PLXNA4: variants seen among roughly 807,000 people sequenced by gnomAD.
PLXNA4 encodes the protein plexin-A4.
PLXNA4 carries 44 observed loss-of-function variants against 191.8 expected under a neutral mutation model. The ratio of observed to expected loss-of-function variants is 0.23; its 90% confidence interval spans 0.18 to 0.29. The LOEUF is 0.29. PLXNA4 is among the 10% of genes least tolerant of loss of function. PLXNA4 has a pLI of 1.00. For synonymous variants in PLXNA4, 1,082 were observed against 1,009.5 expected, an observed-to-expected ratio of 1.07 and a Z score of -1.36; for missense variants, 1,800 against 2,488.8, an observed-to-expected ratio of 0.72 and a Z score of 5.89.
chr7:132,398,512 C>T (rs1793852019), intron 3 of PLXNA4, among the ~76,000 whole-genome samples: 1 of 152,194 alleles, frequency 6.6e-6, no homozygotes, highest in Non-Finnish European at 1.5e-5. Flanking sequence ...GACGGGAACC[C>T]CAGCTCTGCG....
intron 24 of PLXNA4, among the ~76,000 whole-genome samples, chr7:132,161,633 G>T: frequency 6.6e-6 from 1 of 152,118 alleles, no homozygotes; most frequent in Non-Finnish European, 1.5e-5. Context: ...GGCATCTAGC[G>T]CTCTAGCAGG....
At chr7:132,231,026 C>G (rs1436923579) in intron 5 of PLXNA4, among the ~76,000 whole-genome samples, 1 of 152,196 alleles carries the variant, frequency 6.6e-6, no homozygotes, top group East Asian at 1.9e-4. Flanking sequence ...TTCCAAAGTT[C>G]ATGGGGTTGC....
chr7:132,314,762 C>A (rs116229063), intron 3 of PLXNA4, among the ~76,000 whole-genome samples: 7 of 152,202 alleles, frequency 4.6e-5, no homozygotes, highest in African/African-American at 1.7e-4. Context: ...ACTTCCCATC[C>A]TCAACGTAGA....
chr7:132,563,571 A>C (rs1290745197), intron 1 of PLXNA4, among the ~76,000 whole-genome samples: 1,937 of 20,698 alleles, frequency 0.094, no homozygotes, highest in African/African-American at 0.12. Context: ...TCTCCTCTTC[A>C]TCCTCCTCCT....
intron 4 of PLXNA4, among the ~76,000 whole-genome samples, chr7:132,268,337 T>C (rs945641029): frequency 6.6e-6 from 1 of 152,212 alleles, no homozygotes; most frequent in African/African-American, 2.4e-5. Flanking sequence ...ACAGTGAAAC[T>C]ACAGCACCAT....
At chr7:132,418,776 A>G (rs1008784794) in intron 3 of PLXNA4, among the ~76,000 whole-genome samples, 2 of 152,134 alleles carry the variant, frequency 1.3e-5, no homozygotes, top group Non-Finnish European at 2.9e-5. Context: ...AGAAGAACAA[A>G]GAGTAAGCAG....
intron 3 of PLXNA4, among the ~76,000 whole-genome samples, chr7:132,340,983 C>T (rs1199995242): frequency 6.6e-6 from 1 of 152,134 alleles, no homozygotes; most frequent in Non-Finnish European, 1.5e-5. Flanking sequence ...TTGGCCTCTT[C>T]CTAGGTTCTT....
rs563218740 is a variant in PLXNA4, at chr7:132,340,266, G to T, written c.1372-42044C>A. 9.2e-5 allele frequency among the ~76,000 whole-genome samples: 14 copies of T among 152,328 alleles called. No homozygotes were observed. In the East Asian group the frequency reaches 2.7e-3, roughly 29 times the overall value. ...TCCTCCCATCCCTCTTCACTGTATT[G>T]CTTATTAAAGTTTAAGACTGGATAA... On this transcript the variant is annotated intron_variant, in intron 3 of 31. Coordinates refer to ENST00000321063, the MANE Select transcript of PLXNA4 (RefSeq NM_020911.2).
intron 3 of PLXNA4, among the ~76,000 whole-genome samples, chr7:132,349,448 G>A (rs741663): frequency 6.6e-6 from 1 of 152,000 alleles, no homozygotes. Flanking sequence ...GGCTACCAAG[G>A]GGGGCCACTG....
intron 17 of PLXNA4, 24 bp from the exon 18 acceptor site, chr7:132,181,644 AG>A: frequency 6.2e-7 from 1 of 1,611,834 alleles, no homozygotes; most frequent in Non-Finnish European, 8.5e-7. Flanking sequence ...CACAGAGTGG[AG>A]TCTATGCAGT....
At chr7:132,277,926 C>T (rs1389660324) in intron 4 of PLXNA4, among the ~76,000 whole-genome samples, 2 of 152,214 alleles carry the variant, frequency 1.3e-5, no homozygotes, top group Non-Finnish European at 2.9e-5. Context: ...TCCAATACAA[C>T]TTTATTTCCA....
At chr7:132,344,929 C>T (rs1237696009) in intron 3 of PLXNA4, among the ~76,000 whole-genome samples, 1 of 152,140 alleles carries the variant, frequency 6.6e-6, no homozygotes, top group Non-Finnish European at 1.5e-5. Flanking sequence ...ATGAGGGTTG[C>T]TGTGGACTAG....
rs1246715381 is a variant in PLXNA4, at chr7:132,123,568, CTCT to C, written c.*6908_*6910del. The C allele has an allele frequency of 6.6e-6, 1 of 152,008 alleles. No individual in the cohort carries two copies. The highest frequency in any genetic ancestry group is 6.6e-5 in the Admixed American group (1 of 15,256). The allele number at this position is 152,008 out of a possible 1,614,324, so 9.4% of individuals were successfully genotyped here. A position where few individuals can be genotyped will look rare whatever the true frequency, so the allele number is the denominator to read the frequency against. On this transcript the variant is annotated 3_prime_UTR_variant, in exon 32 of 32. Coordinates refer to ENST00000321063, the MANE Select transcript of PLXNA4 (RefSeq NM_020911.2). ...TTTTTTTTAATATTTTACTAGGATA[CTCT>C]TCTTTAAAAATCAAAACCAGAAGAC... is the stretch of plus-strand genomic sequence containing the variant.
At chr7:132,564,358 TCTC>T (rs1305470605) in intron 1 of PLXNA4, among the ~76,000 whole-genome samples, 1 of 78,750 alleles carries the variant, frequency 1.3e-5, no homozygotes, top group African/African-American at 5.0e-5. Context: ...TTCTCCTCTT[TCTC>T]CTCCTCCTCC....
intron 4 of PLXNA4, among the ~76,000 whole-genome samples, chr7:132,253,162 G>T (rs1269255769): frequency 1.3e-5 from 2 of 150,814 alleles, no homozygotes; most frequent in Non-Finnish European, 3.0e-5. Flanking sequence ...TTAACCTTTA[G>T]TCTTTTAAAC....
intron 3 of PLXNA4, among the ~76,000 whole-genome samples, chr7:132,389,484 A>T (rs180782769): frequency 1.3e-4 from 20 of 152,298 alleles, no homozygotes; most frequent in African/African-American, 4.3e-4. Flanking sequence ...CTTTCTGCAT[A>T]TGGCTAGCCA....
At chr7:132,632,651 C>A (rs185962637) in intron 2 of PLXNA4, among the ~76,000 whole-genome samples, 1 of 152,188 alleles carries the variant, frequency 6.6e-6, no homozygotes, top group South Asian at 2.1e-4. Flanking sequence ...CACAAAATTG[C>A]CAAGTTTATA....
At chr7:132,622,185 G>A (rs544831499) in intron 2 of PLXNA4, among the ~76,000 whole-genome samples, 1 of 152,198 alleles carries the variant, frequency 6.6e-6, no homozygotes, top group South Asian at 2.1e-4. Flanking sequence ...TCTTCCACTG[G>A]CTGGATATAA....
intron 4 of PLXNA4, among the ~76,000 whole-genome samples, chr7:132,283,981 G>A (rs1020626800): frequency 6.6e-6 from 1 of 152,134 alleles, no homozygotes. Flanking sequence ...AGCCCAGCGT[G>A]TACAACACAG....
Sources: allele counts gnomAD v4.1 joint callset (sites outside exome capture counted in the v4.1 genomes callset), GRCh38; gene constraint gnomAD v4.1.1; transcripts MANE v1.5; gene names NCBI Gene and HGNC (gene_info 2026-07-23, HGNC 2026-07-21).